The following FMN1 variants were observed in gnomAD, a reference collection of about 807,000 sequenced individuals.
FMN1 encodes formin 1.
A neutral mutation model predicts 132.4 loss-of-function variants in FMN1; 110 were observed. The observed-to-expected ratio is 0.83, with a 90% CI of 0.71 to 0.97. The LOEUF is 0.97. Among genes scored for constraint, FMN1 ranks in the 50% least tolerant of loss-of-function variants. The pLI is 0.00. For synonymous variants in FMN1, 722 were observed against 651.7 expected, an observed-to-expected ratio of 1.11 and a Z score of -1.64; for missense variants, 1,792 against 1,705.3, an observed-to-expected ratio of 1.05 and a Z score of -0.90.
At position 32,964,375 on chromosome 15, in the gene FMN1, T is replaced by C; in HGVS notation, c.2988-118A>G. On this transcript the variant is annotated intron_variant, in intron 8 of 20. Coordinates refer to ENST00000616417, the MANE Select transcript of FMN1 (RefSeq NM_001277313.2). ...ATTTTTCTAAAAAAACACATAAAAC[T>C]CTAATAATGCTTGGAGAAAAGCTTT... The C allele has an allele frequency of 2.7e-6, 2 of 735,470 alleles. 1 individual carries two copies. Among genetic ancestry groups the C allele is most frequent in the South Asian group, 4.8e-5 (2 of 41,272 alleles). The allele number at this position is 735,470 out of a possible 1,614,324, so 45.6% of individuals were successfully genotyped here. A position where few individuals can be genotyped will look rare whatever the true frequency, so the allele number is the denominator to read the frequency against.
intron 6 of FMN1, among the ~76,000 whole-genome samples, chr15:33,029,672 T>A (rs919798849): frequency 4.6e-5 from 7 of 151,672 alleles, no homozygotes; most frequent in Non-Finnish European, 8.8e-5. Context: ...ATCAAAGATA[T>A]CACCGAGAAT....
At chr15:33,136,314 A>G (rs756877495) in intron 4 of FMN1, among the ~76,000 whole-genome samples, 5 of 152,238 alleles carry the variant, frequency 3.3e-5, no homozygotes, top group Non-Finnish European at 4.4e-5. Flanking sequence ...ACAAAAGTAT[A>G]TGTCTTGGAG....
chr15:33,058,865 A>G (rs1047835304), intron 6 of FMN1, among the ~76,000 whole-genome samples: 2 of 152,226 alleles, frequency 1.3e-5, no homozygotes, highest in Non-Finnish European at 2.9e-5. Context: ...TAATTAACAC[A>G]TGCATCACCT....
intron 9 of FMN1, among the ~76,000 whole-genome samples, chr15:32,928,584 G>T (rs539572838): frequency 3.3e-5 from 5 of 152,136 alleles, no homozygotes; most frequent in Non-Finnish European, 5.9e-5. Flanking sequence ...GAGTCAAAAA[G>T]GCAAATAAAA....
At chr15:33,135,021 G>A (rs1171277668) in intron 4 of FMN1, among the ~76,000 whole-genome samples, 1 of 152,046 alleles carries the variant, frequency 6.6e-6, no homozygotes, top group Non-Finnish European at 1.5e-5. Context: ...TAAATAAGTA[G>A]GAAAACATTT....
chr15:33,043,328 C>T (rs1201542066), intron 6 of FMN1, among the ~76,000 whole-genome samples: 1 of 152,222 alleles, frequency 6.6e-6, no homozygotes, highest in Non-Finnish European at 1.5e-5. Context: ...CACACCTGTG[C>T]CAATCACTGA....
chr15:33,167,327 G>A (rs540348927), intron 3 of FMN1, among the ~76,000 whole-genome samples: 20 of 152,344 alleles, frequency 1.3e-4, no homozygotes, highest in Admixed American at 1.3e-3. Context: ...TACCATGTAA[G>A]ATGTGCCTTT....
chr15:33,012,237 G>A (rs563392405), intron 6 of FMN1: 269 of 684,996 alleles, frequency 3.9e-4, no homozygotes, highest in African/African-American at 3.9e-3. Context: ...AATGGGGAAC[G>A]CTCAAGAACT....
chr15:32,868,842 C>G (rs1427361950), intron 16 of FMN1, among the ~76,000 whole-genome samples: 1 of 151,974 alleles, frequency 6.6e-6, no homozygotes, highest in African/African-American at 2.4e-5. Flanking sequence ...ATGTTGGGGA[C>G]AAATATTTAA....
chr15:32,780,292 C>T (rs2056622166), intron 19 of FMN1, among the ~76,000 whole-genome samples: 1 of 151,956 alleles, frequency 6.6e-6, no homozygotes, highest in Admixed American at 6.6e-5. Context: ...GTCATAAAGA[C>T]CTTGCTGATA....
intron 16 of FMN1, among the ~76,000 whole-genome samples, chr15:32,858,099 A>C (rs1221990655): frequency 1.3e-5 from 2 of 152,250 alleles, no homozygotes; most frequent in African/African-American, 4.8e-5. Context: ...ATAGAGAAAC[A>C]TATACTACAG....
At chr15:32,962,395 G>A (rs1385240548) in intron 9 of FMN1, among the ~76,000 whole-genome samples, 1 of 152,014 alleles carries the variant, frequency 6.6e-6, no homozygotes, top group African/African-American at 2.4e-5. Context: ...AACCCTAGAA[G>A]AAAACCTAGG....
chr15:33,178,477 T>C lies in FMN1; in HGVS notation c.-132+1721A>G, dbSNP rs1363040333. Among the ~76,000 whole-genome samples the C allele has an allele frequency of 2.6e-5, 4 of 152,338 alleles. No individual in the cohort carries two copies. In the East Asian group the frequency reaches 7.7e-4, roughly 29 times the overall value. On this transcript the variant is annotated intron_variant, in intron 3 of 20. Coordinates refer to ENST00000616417, the MANE Select transcript of FMN1 (RefSeq NM_001277313.2). ...AGTCTGTTTAGCTACCTCTGTTAGA[T>C]TGTTTTGTCCAATCCTAACCATGCC...
At chr15:32,791,857 G>A (rs139866547) in intron 19 of FMN1, among the ~76,000 whole-genome samples, 154 of 152,304 alleles carry the variant, frequency 1.0e-3, no homozygotes, top group African/African-American at 3.5e-3. Flanking sequence ...ATTTCCAACC[G>A]AGACATATTG....
chr15:32,924,347 A>G (rs1185568037), intron 10 of FMN1, among the ~76,000 whole-genome samples: 1 of 152,174 alleles, frequency 6.6e-6, no homozygotes, highest in Admixed American at 6.5e-5. Context: ...TTTTTGTGGA[A>G]TTTTTAATTT....
chr15:32,888,209 G>A lies in FMN1; in HGVS notation c.3798C>T (p.Leu1266=), dbSNP rs772604367. Residue 1266 remains leucine, a synonymous_variant, in exon 16 of 21, where the codon CTC becomes CTT. Coordinates refer to ENST00000616417, the MANE Select transcript of FMN1 (RefSeq NM_001277313.2). ...FLASQVKFED[L]IKDLRKLKRQ... Reference sequence around the variant, plus strand: ...TCTTCAGTTTTCTCAAATCTTTTATGAGGTCTTCAAACTTGACTTGGGAGG... The same window carrying A: ...TCTTCAGTTTTCTCAAATCTTTTATAAGGTCTTCAAACTTGACTTGGGAGG... 9 of 1,612,454 alleles carry A rather than the reference G, an allele frequency of 5.6e-6. No individual in the cohort carries two copies. In the Admixed American group the frequency reaches 8.4e-5, roughly 15 times the overall value.
intron 17 of FMN1, among the ~76,000 whole-genome samples, chr15:32,833,449 A>C (rs1271238049): frequency 9.2e-5 from 14 of 152,188 alleles, no homozygotes; most frequent in African/African-American, 2.4e-5. Context: ...CCAGCATCCA[A>C]GCACAGAGGA....
At chr15:33,058,481 T>G (rs1416443309) in intron 6 of FMN1, among the ~76,000 whole-genome samples, 2 of 152,334 alleles carry the variant, frequency 1.3e-5, no homozygotes, top group Non-Finnish European at 2.9e-5. Flanking sequence ...CTACACAAAC[T>G]GTGGCTCAAT....
intron 18 of FMN1, among the ~76,000 whole-genome samples, chr15:32,800,166 G>A (rs972248123): frequency 6.6e-6 from 1 of 152,142 alleles, no homozygotes; most frequent in East Asian, 1.9e-4. Context: ...CCATGGGTAC[G>A]ATTAGGCGAG....
Sources: allele counts gnomAD v4.1 joint callset (sites outside exome capture counted in the v4.1 genomes callset), GRCh38; gene constraint gnomAD v4.1.1; transcripts MANE v1.5; gene names NCBI Gene and HGNC (gene_info 2026-07-23, HGNC 2026-07-21).